The following SPAG16 variants were observed in gnomAD, a reference collection of about 807,000 sequenced individuals.
The protein encoded by SPAG16 is sperm-associated antigen 16 protein.
SPAG16 carries 86 observed loss-of-function variants against 80.4 expected under a neutral mutation model. The ratio of observed to expected loss-of-function variants is 1.07; its 90% CI spans 0.90 to 1.28. The LOEUF (loss-of-function observed/expected upper bound fraction) is 1.28. Ranked by LOEUF, SPAG16 falls within the 50% of genes most tolerant of loss-of-function variation. SPAG16 has a pLI of 0.00. For synonymous variants in SPAG16, 294 were observed against 265.9 expected (o/e 1.11, Z -1.03); for missense variants, 870 against 765.3 (o/e 1.14, Z -1.61).
At chr2:214,040,463 C>T (rs1186088689) in intron 13 of SPAG16, among the ~76,000 whole-genome samples, 10 of 152,198 alleles carry the variant, frequency 6.6e-5, no homozygotes, top group African/African-American at 1.7e-4. Flanking sequence ...CCAAAATCCC[C>T]GGTGTGTATT....
At chr2:213,901,624 A>G (rs1417785682) in intron 11 of SPAG16, among the ~76,000 whole-genome samples, 1 of 152,116 alleles carries the variant, frequency 6.6e-6, no homozygotes, top group Non-Finnish European at 1.5e-5. Context: ...AAACATGTAA[A>G]CTTGTACAGG....
chr2:213,440,385 T>TA (rs148974163), intron 9 of SPAG16, among the ~76,000 whole-genome samples: 9,041 of 149,050 alleles, frequency 0.061, 883 homozygotes, highest in African/African-American at 0.21. Context: ...TAGTCTCTAC[T>TA]AAAAAAAAAA....
rs1164343931 is a variant in SPAG16 at position 213,833,455 on chromosome 2, TA to T, written c.1071-29029del. On this transcript the variant is annotated intron_variant, in intron 10 of 15. Transcript: ENST00000331683. ...TATGTGTGTGTGTATATATATATATTATATATATATTATATATAATAATATA... is the reference window on the plus strand; with the variant it reads ...TATGTGTGTGTGTATATATATATATTTATATATATTATATATAATAATATA... Among the ~76,000 whole-genome samples the T allele has an allele frequency of 6.0e-3, 13 of 2,156 alleles. 1 individual carries two copies. The highest frequency in any genetic ancestry group is 9.4e-3 in the Non-Finnish European group (11 of 1,168). The allele number at this position is 2,156 out of a possible 152,430, so 1.4% of individuals were successfully genotyped here. A position where few individuals can be genotyped will look rare whatever the true frequency, so the allele number is the denominator to read the frequency against.
chr2:213,761,455 A>G (rs1000442153), intron 10 of SPAG16, among the ~76,000 whole-genome samples: 9 of 152,236 alleles, frequency 5.9e-5, no homozygotes, highest in African/African-American at 1.9e-4. Context: ...GAATAAACCA[A>G]TGAACCCAAG....
chr2:213,491,455 C>A (rs116756466), intron 10 of SPAG16, among the ~76,000 whole-genome samples: 1 of 152,172 alleles, frequency 6.6e-6, no homozygotes, highest in African/African-American at 2.4e-5. Context: ...TCTCATATTT[C>A]ATCACCATAA....
intron 15 of SPAG16, among the ~76,000 whole-genome samples, chr2:214,274,876 A>G (rs2125901142): frequency 1.3e-5 from 2 of 152,292 alleles, no homozygotes; most frequent in African/African-American, 4.8e-5. Flanking sequence ...CAATGGTACC[A>G]GCTCCTCTTT....
At chr2:213,968,243 C>T (rs529753287) in intron 12 of SPAG16, among the ~76,000 whole-genome samples, 1 of 152,034 alleles carries the variant, frequency 6.6e-6, no homozygotes, top group East Asian at 1.9e-4. Flanking sequence ...GGCGAGATCT[C>T]ATCTCACTGC....
chr2:214,318,103 A>T (rs1046359073), intron 15 of SPAG16, among the ~76,000 whole-genome samples: 1 of 152,200 alleles, frequency 6.6e-6, no homozygotes, highest in Non-Finnish European at 1.5e-5. Context: ...AGGATCCTGG[A>T]TTCATCAGCA....
At chr2:213,360,191 G>A (rs1035591751) in intron 7 of SPAG16, among the ~76,000 whole-genome samples, 1 of 152,122 alleles carries the variant, frequency 6.6e-6, no homozygotes, top group Non-Finnish European at 1.5e-5. Flanking sequence ...TCAGAATTTT[G>A]TTATACTTGT....
chr2:213,297,064 G>A (rs1280234945), intron 2 of SPAG16, 198 bp from the exon 3 acceptor site: 2 of 1,413,764 alleles, frequency 1.4e-6, no homozygotes, highest in Non-Finnish European at 1.9e-6. Context: ...TTTATTAGAA[G>A]TGACGTTTAT....
In SPAG16 at chr2:213,876,800, G is replaced by T. The variant is rs2076160034; in HGVS notation, c.1214+14172G>T. On this transcript the variant is annotated intron_variant, in intron 11 of 15. Coordinates refer to ENST00000331683, the MANE Select transcript of SPAG16 (RefSeq NM_024532.5). Reference sequence around the variant, plus strand: ...TCATTTCTGCATCATATACTTTTCTGTCTCTCCATAATTTCAGTATTAGGG... The same window carrying T: ...TCATTTCTGCATCATATACTTTTCTTTCTCTCCATAATTTCAGTATTAGGG... Among the ~76,000 whole-genome samples, 6 of 151,918 alleles carry T rather than the reference G, an allele frequency of 3.9e-5. No homozygotes were observed. In the South Asian group the frequency reaches 1.2e-3, roughly 31 times the overall value.
chr2:213,299,379 T>G (rs893161732), intron 3 of SPAG16, among the ~76,000 whole-genome samples: 1 of 151,858 alleles, frequency 6.6e-6, no homozygotes, highest in East Asian at 1.9e-4. Flanking sequence ...CTTGGCTCAC[T>G]GCAAGCTCTG....
At chr2:213,991,435 C>T (rs1316955216) in intron 12 of SPAG16, among the ~76,000 whole-genome samples, 1 of 152,094 alleles carries the variant, frequency 6.6e-6, no homozygotes, top group South Asian at 2.1e-4. Context: ...TAAGTCTTTG[C>T]TATTGTGAAC....
intron 12 of SPAG16, among the ~76,000 whole-genome samples, chr2:214,004,554 A>T (rs772919747): frequency 6.6e-6 from 1 of 152,130 alleles, no homozygotes; most frequent in Non-Finnish European, 1.5e-5. Flanking sequence ...AATGCTCTAA[A>T]AAAGGTGTCG....
intron 15 of SPAG16, among the ~76,000 whole-genome samples, chr2:214,218,184 C>T (rs2058480080): frequency 6.6e-6 from 1 of 152,082 alleles, no homozygotes; most frequent in Admixed American, 6.5e-5. Flanking sequence ...CTTCTGTTGT[C>T]AGTCTTTTAT....
intron 10 of SPAG16, among the ~76,000 whole-genome samples, chr2:213,803,243 C>T (rs1048623111): frequency 2.6e-5 from 4 of 152,076 alleles, no homozygotes; most frequent in Admixed American, 2.0e-4. Flanking sequence ...ACAGATTGGA[C>T]ATAATTTGTA....
At chr2:213,472,087 G>C (rs2081315) in intron 9 of SPAG16, among the ~76,000 whole-genome samples, 3,532 of 152,256 alleles carry the variant, frequency 0.023, 57 homozygotes, top group South Asian at 0.038. Context: ...TGTAATGAAC[G>C]AGTGTGACAT....
chr2:214,339,103 A>T (rs1411054098), intron 15 of SPAG16, among the ~76,000 whole-genome samples: 1 of 152,222 alleles, frequency 6.6e-6, no homozygotes, highest in Non-Finnish European at 1.5e-5. Flanking sequence ...GAAACTGATA[A>T]TTGCTTATGC....
chr2:213,472,086 C>T (rs1031369814), intron 9 of SPAG16, among the ~76,000 whole-genome samples: 3 of 152,088 alleles, frequency 2.0e-5, no homozygotes, highest in Non-Finnish European at 2.9e-5. Context: ...ATGTAATGAA[C>T]GAGTGTGACA....
Sources: gnomAD v4.1 joint callset for allele counts (sites outside exome capture counted in the v4.1 genomes callset) on GRCh38, gnomAD v4.1.1 for gene constraint, MANE v1.5 for transcripts, NCBI Gene and HGNC (gene_info 2026-07-23, HGNC 2026-07-21) for gene names.